Variants in RNF175 observed in about 807,000 individuals in gnomAD.
The protein encoded by RNF175 is ring finger protein 175.
A neutral mutation model predicts 50.0 loss-of-function variants in RNF175; 38 were observed. The ratio of observed to expected loss-of-function variants is 0.76; its 90% confidence interval spans 0.59 to 1.00. RNF175 has a LOEUF of 1.00. Among genes scored for constraint, RNF175 ranks in the 50% least tolerant of loss-of-function variants. The probability of loss-of-function intolerance (pLI) is 0.00; values close to 1 mark genes in which losing one functional copy is unlikely to be tolerated. For missense variants in RNF175, 388 were observed against 409.6 expected, an observed-to-expected ratio of 0.95 and a Z score of 0.46; for synonymous variants, 155 against 146.1, an observed-to-expected ratio of 1.06 and a Z score of -0.44.
At chr4:153,729,780 TAAAC>T in intron 3 of RNF175, 1 of 985,212 alleles carries the variant, frequency 1.0e-6, no homozygotes, top group Non-Finnish European at 1.2e-6. Flanking sequence ...GATATGCACT[TAAAC>T]AAAAACACAC....
At chr4:153,753,574 C>A (rs994150752) in intron 1 of RNF175, among the ~76,000 whole-genome samples, 1 of 150,144 alleles carries the variant, frequency 6.7e-6, no homozygotes, top group African/African-American at 2.4e-5. Flanking sequence ...TTTTTTTTCC[C>A]GAGGTGGAGT....
intron 4 of RNF175, among the ~76,000 whole-genome samples, chr4:153,726,785 A>G (rs531191821): frequency 6.6e-6 from 1 of 152,318 alleles, no homozygotes; most frequent in Non-Finnish European, 1.5e-5. Flanking sequence ...CACCTTGCTC[A>G]GTGATGTCTC....
chr4:153,720,297 C>A lies in RNF175; in HGVS notation c.517G>T (p.Ala173Ser). ...CGFNLFFKIK[A>S]RDSMDFGIVS... ...ATGCCAAAATCCATGGAATCTCTAG[C>A]TTTGATTCTATTGAAAACAACAGTA... The change falls in exon 6 of 9, where the codon GCT (alanine) becomes TCT (serine). Residue 173 changes from alanine to serine, a missense_variant. Transcript: ENST00000347063. The A allele has an allele frequency of 6.2e-7, 1 of 1,612,742 alleles. No homozygotes were observed. Among genetic ancestry groups the A allele is most frequent in the Non-Finnish European group, 8.5e-7 (1 of 1,178,862 alleles).
intron 7 of RNF175, chr4:153,713,535 A>G (rs1391779487): frequency 1.3e-5 from 2 of 152,170 alleles, no homozygotes; most frequent in African/African-American, 2.4e-5. Context: ...CGCTGCTCCC[A>G]ATGTGACTTT....
chr4:153,723,151 T>A, intron 5 of RNF175, 200 bp downstream of exon 5: 3 of 351,250 alleles, frequency 8.5e-6, no homozygotes, highest in Non-Finnish European at 1.1e-5. Flanking sequence ...CTCCTAATTT[T>A]AAAAAATTAT....
chr4:153,750,742 A>C (rs1740246569), intron 2 of RNF175, among the ~76,000 whole-genome samples: 2 of 152,222 alleles, frequency 1.3e-5, no homozygotes, highest in Non-Finnish European at 2.9e-5. Context: ...GTTGTGGTTT[A>C]TACAGCTCCA....
chr4:153,736,098 A>C (rs1739341943), intron 3 of RNF175, among the ~76,000 whole-genome samples: 1 of 152,192 alleles, frequency 6.6e-6, no homozygotes, highest in Non-Finnish European at 1.5e-5. Flanking sequence ...TGTCAGTTGT[A>C]GGCTTTCTGT....
intron 3 of RNF175, among the ~76,000 whole-genome samples, chr4:153,738,554 G>C (rs187170467): frequency 2.6e-5 from 4 of 151,952 alleles, no homozygotes; most frequent in Non-Finnish European, 5.9e-5. Flanking sequence ...TAATATAGCT[G>C]GTCCAGCTTT....
At chr4:153,716,281 C>T (rs915476198) in intron 6 of RNF175, among the ~76,000 whole-genome samples, 1 of 152,094 alleles carries the variant, frequency 6.6e-6, no homozygotes, top group Non-Finnish European at 1.5e-5. Flanking sequence ...TTATCCAGGG[C>T]TGGAGTTAAG....
intron 5 of RNF175, chr4:153,721,316 G>A (rs1171299400): frequency 6.6e-6 from 1 of 152,160 alleles, no homozygotes; most frequent in Non-Finnish European, 1.5e-5. Flanking sequence ...ATTCAGGGAA[G>A]GGAGGAAAAT....
chr4:153,737,387 C>T (rs771769809), intron 3 of RNF175, among the ~76,000 whole-genome samples: 28 of 151,992 alleles, frequency 1.8e-4, no homozygotes, highest in Non-Finnish European at 3.4e-4. Flanking sequence ...CTAGTTTCCT[C>T]AGGTGGATTT....
At chr4:153,735,784 AT>A (rs1172383883) in intron 3 of RNF175, among the ~76,000 whole-genome samples, 2 of 152,104 alleles carry the variant, frequency 1.3e-5, no homozygotes, top group Non-Finnish European at 2.9e-5. Flanking sequence ...TTGTGTTTTA[AT>A]TTCAAATTCT....
intron 7 of RNF175, chr4:153,714,279 T>G (rs2127087144): frequency 6.6e-6 from 1 of 152,338 alleles, no homozygotes; most frequent in South Asian, 2.1e-4. Flanking sequence ...GGGAAAGGTA[T>G]CACACTGAAA....
chr4:153,714,238 T>C (rs1737766698), intron 7 of RNF175: 1 of 152,224 alleles, frequency 6.6e-6, no homozygotes, highest in African/African-American at 2.4e-5. Flanking sequence ...AGGGCCAGAC[T>C]TGGAAAATTG....
intron 1 of RNF175, among the ~76,000 whole-genome samples, chr4:153,753,556 CTCTCTT>C (rs747079603): frequency 1.4e-3 from 205 of 146,696 alleles, no homozygotes; most frequent in African/African-American, 5.0e-3. Flanking sequence ...CTCTCTCTCT[CTCTCTT>C]TTTTTTTTTC....
At position 153,728,298 on chromosome 4, in the gene RNF175, G is replaced by T. The variant is rs772501325; in HGVS notation, c.310C>A (p.Arg104=). 2.1e-5 allele frequency: 34 copies of T among 1,612,940 alleles called. 1 individual carries two copies. The South Asian group carries it at 3.5e-4, about 17-fold the overall frequency. Reference sequence around the variant, plus strand: ...AACATCCCCCACATAGACAGAAACCGCCACCAGTATAATTTTATCGTGAAA... The same window carrying T: ...AACATCCCCCACATAGACAGAAACCTCCACCAGTATAATTTTATCGTGAAA... ...LYFTIKLYWW[R]FLSMWGMFSV... Residue 104 remains arginine (R), a synonymous_variant, in exon 4 of 9, where the codon CGG becomes AGG. Transcript: ENST00000347063.
chr4:153,719,018 A>G (rs1738158694), intron 6 of RNF175, among the ~76,000 whole-genome samples: 1 of 152,182 alleles, frequency 6.6e-6, no homozygotes, highest in South Asian at 2.1e-4. Context: ...TTGCATAGGT[A>G]AACATGTACC....
intron 3 of RNF175, among the ~76,000 whole-genome samples, chr4:153,739,370 G>A (rs546012336): frequency 3.9e-4 from 59 of 151,014 alleles, no homozygotes; most frequent in African/African-American, 1.3e-3. Context: ...ACAGTGAGCC[G>A]AGATCACACC....
intron 6 of RNF175, among the ~76,000 whole-genome samples, chr4:153,717,495 A>G: frequency 6.6e-6 from 1 of 150,782 alleles, no homozygotes; most frequent in East Asian, 1.9e-4. Flanking sequence ...CAAGGAATTC[A>G]TCTGTATATA....
Sources: allele counts gnomAD v4.1 joint callset (sites outside exome capture counted in the v4.1 genomes callset), GRCh38; gene constraint gnomAD v4.1.1; transcripts MANE v1.5; gene names NCBI Gene and HGNC (gene_info 2026-07-23, HGNC 2026-07-21).